The following CCT3 variants were observed in gnomAD, a reference collection of about 807,000 sequenced individuals.
CCT3 encodes chaperonin containing TCP1 subunit 3.
CCT3 carries 10 observed loss-of-function variants against 65.3 expected under a neutral mutation model. The ratio of observed to expected loss-of-function variants is 0.15; its 90% CI spans 0.09 to 0.26. The LOEUF (loss-of-function observed/expected upper bound fraction) is 0.26. CCT3 is among the 10% of genes least tolerant of loss of function. CCT3 has a pLI of 1.00. For missense variants in CCT3, 626 were observed against 708.7 expected, an observed-to-expected ratio of 0.88 and a Z score of 1.33; for synonymous variants, 225 against 242.3, an observed-to-expected ratio of 0.93 and a Z score of 0.66.
intron 8 of CCT3, 92 bp downstream of exon 8, chr1:156,318,776 A>G: frequency 2.4e-6 from 3 of 1,234,208 alleles, no homozygotes; most frequent in Non-Finnish European, 3.5e-6. Context: ...TGCACCCAGA[A>G]GGCATGCAAT....
At position 156,317,565 on chromosome 1, in the gene CCT3, GAC is replaced by G. The variant is rs1402346429; in HGVS notation, c.760-20_760-19del. On this transcript the variant is annotated intron_variant, in intron 8 of 13. Transcript: ENST00000295688. ...ATGTCAGTCTGTGTGGTAAAGAAAAGACACTGATTTTAAAATCCCTGGACTGG... is the reference window on the plus strand; with the variant it reads ...ATGTCAGTCTGTGTGGTAAAGAAAAGACTGATTTTAAAATCCCTGGACTGG... 3 of 1,603,880 alleles carry G rather than the reference GAC, an allele frequency of 1.9e-6. No homozygotes were observed. The South Asian group carries it at 3.3e-5, about 18-fold the overall frequency.
intron 5 of CCT3, among the ~76,000 whole-genome samples, chr1:156,328,232 T>TG (rs1212345985): frequency 8.4e-5 from 9 of 106,794 alleles, no homozygotes; most frequent in Admixed American, 3.9e-4. Flanking sequence ...GGGAGGGAGG[T>TG]AGGGGGGTCA....
At chr1:156,321,126 C>CT in intron 6 of CCT3, 101 bp from the exon 7 acceptor site, 1 of 915,404 alleles carries the variant, frequency 1.1e-6, no homozygotes, top group Non-Finnish European at 1.7e-6. Flanking sequence ...GACCAAGAGG[C>CT]AGAACAAGGG....
chr1:156,312,230 C>T lies in CCT3; in HGVS notation c.975-9G>A, dbSNP rs547403889. ...TCCGGGCCCCACAGGCTCTAATGGA[C>T]GGAAGAGGTGGGGAGAATCAGATGA... On this transcript the variant is annotated splice_polypyrimidine_tract_variant and intron_variant, in intron 10 of 13. Transcript: ENST00000295688. 44 of 1,611,784 alleles carry T rather than the reference C, an allele frequency of 2.7e-5. No homozygotes were observed. In the Middle Eastern group the frequency reaches 5.0e-4, roughly 18 times the overall value.
rs965310292 is a variant in CCT3, at chr1:156,310,483, G to A, written c.1533+75C>T. 12 of 1,123,746 alleles carry A rather than the reference G, an allele frequency of 1.1e-5. No individual in the cohort carries two copies. In the Admixed American group the frequency reaches 2.3e-4, roughly 22 times the overall value. 69.6% of individuals were successfully genotyped at this position (1,123,746 alleles called of 1,614,324 possible). ...CACTCCAGCCTGGGTGACTGAGACT[G>A]CGTCTCAAAAATAAATAAATAGATA... On this transcript the variant is annotated intron_variant, in intron 13 of 13. Coordinates refer to ENST00000295688, the MANE Select transcript of CCT3 (RefSeq NM_005998.5).
At chr1:156,321,067 T>G (rs1479048273) in intron 6 of CCT3, 42 bp from the exon 7 acceptor site, 3 of 1,515,614 alleles carry the variant, frequency 2.0e-6, no homozygotes, top group Non-Finnish European at 2.7e-6. Context: ...GAAGGCATGT[T>G]AGATATGTAG....
intron 6 of CCT3, among the ~76,000 whole-genome samples, chr1:156,322,369 C>A (rs559216979): frequency 3.8e-4 from 58 of 151,734 alleles, no homozygotes; most frequent in African/African-American, 1.3e-3. Context: ...TGGTGGTATG[C>A]GCCTGTAGTC....
At chr1:156,338,081 T>C (rs1665529740) in intron 1 of CCT3, 73 bp downstream of exon 1, 2 of 1,512,640 alleles carry the variant, frequency 1.3e-6, no homozygotes, top group South Asian at 2.4e-5. Flanking sequence ...GGGACGGAGC[T>C]GGGGCAACAC....
intron 10 of CCT3, among the ~76,000 whole-genome samples, chr1:156,315,294 C>T (rs1256481356): frequency 6.6e-6 from 1 of 152,136 alleles, no homozygotes; most frequent in African/African-American, 2.4e-5. Context: ...CTGCAACCTC[C>T]GCCTCCTTGG....
At chr1:156,328,158 A>G (rs1407138522) in intron 5 of CCT3, among the ~76,000 whole-genome samples, 5 of 133,834 alleles carry the variant, frequency 3.7e-5, no homozygotes, top group Middle Eastern at 4.2e-3. Context: ...GGAAGTGAGG[A>G]GCCCCTCTGC....
At chr1:156,333,468 G>A (rs1353862019) in intron 5 of CCT3, 79 bp downstream of exon 5, 40 of 993,972 alleles carry the variant, frequency 4.0e-5, no homozygotes, top group Non-Finnish European at 3.2e-6. Flanking sequence ...TAGTGGATCT[G>A]TAACAGAATT....
At chr1:156,309,677 T>C (rs12038689) in intron 13 of CCT3, among the ~76,000 whole-genome samples, 36,536 of 151,278 alleles carry the variant, frequency 0.24, 4,887 homozygotes, top group Non-Finnish European at 0.29. Flanking sequence ...CCACCTGCCT[T>C]AGCCTCCCAA....
chr1:156,337,514 G>T, intron 1 of CCT3: 1 of 168,442 alleles, frequency 5.9e-6, no homozygotes, highest in Non-Finnish European at 1.3e-5. Flanking sequence ...CAACGCCGGG[G>T]ACACGGAGGG....
intron 5 of CCT3, among the ~76,000 whole-genome samples, chr1:156,327,348 C>T: frequency 6.6e-6 from 1 of 152,080 alleles, no homozygotes; most frequent in Non-Finnish European, 1.5e-5. Context: ...CGAGCTGAAG[C>T]TGGACTGTAC....
intron 11 of CCT3, among the ~76,000 whole-genome samples, chr1:156,311,716 A>G (rs1664091186): frequency 6.6e-6 from 1 of 152,028 alleles, no homozygotes; most frequent in Non-Finnish European, 1.5e-5. Flanking sequence ...AGGGAGTAGG[A>G]GATGAGATAT....
chr1:156,324,213 G>A (rs757634616), intron 6 of CCT3, among the ~76,000 whole-genome samples: 8 of 150,944 alleles, frequency 5.3e-5, no homozygotes, highest in African/African-American at 2.0e-4. Context: ...GATTACAGGC[G>A]CCTGCCACCA....
chr1:156,337,803 A>C, intron 1 of CCT3: 1 of 287,894 alleles, frequency 3.5e-6, no homozygotes, highest in Non-Finnish European at 6.2e-6. Flanking sequence ...AAAAAAAAAC[A>C]AAAAAAAACG....
At chr1:156,321,120 A>G (rs1664537980) in intron 6 of CCT3, 95 bp from the exon 7 acceptor site, 2 of 967,928 alleles carry the variant, frequency 2.1e-6, no homozygotes, top group Non-Finnish European at 3.1e-6. Flanking sequence ...ATAATGGACC[A>G]AGAGGCAGAA....
chr1:156,331,615 G>A (rs1302181046), intron 5 of CCT3, among the ~76,000 whole-genome samples: 1 of 151,718 alleles, frequency 6.6e-6, no homozygotes, highest in African/African-American at 2.4e-5. Context: ...CCTGGGAGGT[G>A]GAGGTTGCAG....
Sources: allele counts gnomAD v4.1 joint callset (sites outside exome capture counted in the v4.1 genomes callset), GRCh38; gene constraint gnomAD v4.1.1; transcripts MANE v1.5; gene names NCBI Gene and HGNC (gene_info 2026-07-23, HGNC 2026-07-21).